MARCHF8: variants seen among roughly 807,000 people sequenced by gnomAD.
MARCHF8 encodes the protein membrane associated ring-CH-type finger 8.
Under a neutral mutation model 51.6 loss-of-function variants are expected in MARCHF8, and 40 were observed. The observed-to-expected ratio is 0.77, with a 90% CI of 0.60 to 1.01. MARCHF8 has a LOEUF of 1.01. MARCHF8 is among the 50% of genes least tolerant of loss of function. The pLI, the probability that MARCHF8 is intolerant of heterozygous loss-of-function variation, is 0.00. For missense variants in MARCHF8, 685 were observed against 708.6 expected, an observed-to-expected ratio of 0.97 and a Z score of 0.38; for synonymous variants, 263 against 280.3, an observed-to-expected ratio of 0.94 and a Z score of 0.62.
chr10:45,533,618 T>TA (rs377584446), intron 1 of MARCHF8, among the ~76,000 whole-genome samples: 1 of 152,126 alleles, frequency 6.6e-6, no homozygotes. Flanking sequence ...CTTTTTTTTT[T>TA]ATCATGACCA....
chr10:45,591,848 G>C (rs890488498), intron 1 of MARCHF8, among the ~76,000 whole-genome samples: 1 of 152,184 alleles, frequency 6.6e-6, no homozygotes, highest in African/African-American at 2.4e-5. Flanking sequence ...TCTTTCCACC[G>C]TTCTGTCCAC....
chr10:45,585,807 C>A (rs931722622), intron 1 of MARCHF8, among the ~76,000 whole-genome samples: 6 of 151,994 alleles, frequency 3.9e-5, no homozygotes, highest in African/African-American at 9.7e-5. Context: ...AAAAAAACTT[C>A]TTTTCTTTGG....
chr10:45,463,141 G>A lies in MARCHF8; in HGVS notation c.1088+10C>T, dbSNP rs1235471477. ...GAGATGGCTAGAATGGCACTTCCTGGCAAACCAACCTGCAGACATCCCCTG... is the reference window on the plus strand; with the variant it reads ...GAGATGGCTAGAATGGCACTTCCTGACAAACCAACCTGCAGACATCCCCTG... On this transcript the variant is annotated intron_variant, in intron 5 of 7. Transcript: ENST00000453424. 13 of 1,543,462 alleles carry A rather than the reference G, an allele frequency of 8.4e-6. No homozygotes were observed. Among genetic ancestry groups the A allele is most frequent in the Middle Eastern group, 1.8e-4 (1 of 5,418 alleles).
At chr10:45,515,450 A>C (rs1445762725) in intron 2 of MARCHF8, among the ~76,000 whole-genome samples, 1 of 152,234 alleles carries the variant, frequency 6.6e-6, no homozygotes, top group Non-Finnish European at 1.5e-5. Flanking sequence ...GTTCTGCAAC[A>C]AACAAGTTCC....
chr10:45,559,300 ATC>A (rs2044284760), intron 1 of MARCHF8, among the ~76,000 whole-genome samples: 1 of 152,234 alleles, frequency 6.6e-6, no homozygotes, highest in African/African-American at 2.4e-5. Flanking sequence ...TAATTTTTTT[ATC>A]TGACTTTATA....
At chr10:45,566,353 A>G (rs1241622768) in intron 1 of MARCHF8, among the ~76,000 whole-genome samples, 1 of 152,200 alleles carries the variant, frequency 6.6e-6, no homozygotes, top group Non-Finnish European at 1.5e-5. Context: ...TGTGCTATCA[A>G]ACAGTAAGTC....
At chr10:45,470,511 C>A (rs1843138440) in intron 3 of MARCHF8, among the ~76,000 whole-genome samples, 1 of 152,150 alleles carries the variant, frequency 6.6e-6, no homozygotes, top group Non-Finnish European at 1.5e-5. Context: ...TATTTATAAC[C>A]CCAAATAATC....
Position 45,454,726 on chromosome 10 carries a change from C to G in MARCHF8, c.*3513G>C, listed in dbSNP as rs1331688635. On this transcript the variant is annotated 3_prime_UTR_variant, in exon 8 of 8. Coordinates refer to ENST00000453424, the MANE Select transcript of MARCHF8 (RefSeq NM_001282866.2). ...AGAATACAAAACTAGACATTTAGAT[C>G]ACTAGAAACTTTCTAAGGTAAGAAA... 1 of 152,180 alleles carries G rather than the reference C, an allele frequency of 6.6e-6. No individual in the cohort carries two copies. Among genetic ancestry groups the G allele is most frequent in the Non-Finnish European group, 1.5e-5 (1 of 68,032 alleles). 9.4% of individuals were successfully genotyped at this position (152,180 alleles called of 1,614,324 possible).
At chr10:45,591,108 T>G (rs2044675745) in intron 1 of MARCHF8, among the ~76,000 whole-genome samples, 2 of 152,194 alleles carry the variant, frequency 1.3e-5, no homozygotes, top group Admixed American at 1.3e-4. Flanking sequence ...TCCACCACCT[T>G]ATAGGTGTTG....
intron 1 of MARCHF8, among the ~76,000 whole-genome samples, chr10:45,579,154 G>A (rs905392406): frequency 6.6e-5 from 10 of 152,090 alleles, no homozygotes; most frequent in African/African-American, 2.4e-4. Flanking sequence ...GTATTCTTAG[G>A]ACTTATACAA....
chr10:45,531,296 AT>A (rs1236397194), intron 2 of MARCHF8, among the ~76,000 whole-genome samples: 5 of 152,122 alleles, frequency 3.3e-5, no homozygotes, highest in Admixed American at 2.0e-4. Flanking sequence ...AATAAAAAAT[AT>A]TTTTTAAATA....
upstream of MARCHF8, among the ~76,000 whole-genome samples, chr10:45,537,900 G>A (rs546163653): frequency 3.9e-5 from 6 of 152,158 alleles, no homozygotes; most frequent in South Asian, 4.1e-4. Context: ...CAGAACTTTC[G>A]AGTATATTAA....
chr10:45,568,245 A>G lies in MARCHF8; in HGVS notation c.-79+25990T>C, dbSNP rs12245482. Among the ~76,000 whole-genome samples, 1,414 of 152,300 alleles carry G rather than the reference A, an allele frequency of 9.3e-3. 21 individuals are homozygous for G. The highest frequency in any genetic ancestry group is 0.033 in the African/African-American group (1,363 of 41,562). On this transcript the variant is annotated intron_variant, in intron 1 of 6. Transcript: ENST00000319836. Reference sequence around the variant, plus strand: ...CGATAATTTGACTTCTTCCTTTCCAATCTGGATACCCTTTATATCCTTGTC... The same window carrying G: ...CGATAATTTGACTTCTTCCTTTCCAGTCTGGATACCCTTTATATCCTTGTC...
upstream of MARCHF8, among the ~76,000 whole-genome samples, chr10:45,539,093 AAG>A (rs1487689133): frequency 1.3e-5 from 2 of 152,222 alleles, no homozygotes; most frequent in Non-Finnish European, 2.9e-5. Context: ...GCAAATGTGA[AAG>A]AACAGAAATT....
intron 2 of MARCHF8, among the ~76,000 whole-genome samples, chr10:45,513,752 A>G (rs2043574689): frequency 2.0e-5 from 3 of 152,196 alleles, no homozygotes; most frequent in Admixed American, 2.0e-4. Flanking sequence ...ATGAAATTAC[A>G]TGTCTGGCTT....
intron 1 of MARCHF8, among the ~76,000 whole-genome samples, chr10:45,591,113 G>A (rs571059262): frequency 6.6e-6 from 1 of 152,232 alleles, no homozygotes; most frequent in South Asian, 2.1e-4. Flanking sequence ...CACCTTATAG[G>A]TGTTGAGAAA....
chr10:45,549,098 A>G (rs2044164951), intron 1 of MARCHF8, among the ~76,000 whole-genome samples: 1 of 152,116 alleles, frequency 6.6e-6, no homozygotes, highest in Non-Finnish European at 1.5e-5. Flanking sequence ...ATCCCTATAG[A>G]TAACGAAAGG....
chr10:45,594,585 T>A (rs1240631859), exon 1 of MARCHF8: 1 of 151,354 alleles, frequency 6.6e-6, no homozygotes, highest in African/African-American at 2.4e-5. Flanking sequence ...CAGGGATGGG[T>A]CCTTGGCGGC....
upstream of MARCHF8, among the ~76,000 whole-genome samples, chr10:45,538,056 T>C (rs117797228): frequency 7.2e-5 from 11 of 152,160 alleles, no homozygotes; most frequent in East Asian, 9.7e-4. Context: ...AAGAAGGCGA[T>C]AGAAAGAGTA....
Sources: allele counts gnomAD v4.1 joint callset (sites outside exome capture counted in the v4.1 genomes callset), GRCh38; gene constraint gnomAD v4.1.1; transcripts MANE v1.5; gene names NCBI Gene and HGNC (gene_info 2026-07-23, HGNC 2026-07-21).